NCOA2: variants seen among roughly 807,000 people sequenced by gnomAD.
NCOA2 encodes class E basic helix-loop-helix protein 75.
A neutral mutation model predicts 145.1 loss-of-function variants in NCOA2; 21 were observed. The ratio of observed to expected loss-of-function variants is 0.14; its 90% CI spans 0.10 to 0.21. The LOEUF (loss-of-function observed/expected upper bound fraction) is 0.21. Ranked by LOEUF, NCOA2 falls within the 10% of genes least tolerant of loss-of-function variation. NCOA2 has a pLI of 1.00. For missense variants in NCOA2, 1,472 were observed against 1,837.6 expected, an observed-to-expected ratio of 0.80 and a Z score of 3.64; for synonymous variants, 619 against 637.5, an observed-to-expected ratio of 0.97 and a Z score of 0.44.
chr8:70,426,660 C>T, the NCOA2 span, among the ~76,000 whole-genome samples: 2 of 152,138 alleles, frequency 1.3e-5, no homozygotes. Context: ...ATGTCTTATG[C>T]ATCTGTTTGT....
At chr8:70,332,866 A>T (rs1469294350) in intron 1 of NCOA2, among the ~76,000 whole-genome samples, 1 of 152,194 alleles carries the variant, frequency 6.6e-6, no homozygotes, top group African/African-American at 2.4e-5. Flanking sequence ...CACTGAAGTC[A>T]TCCCACAGTG....
chr8:70,437,018 G>T, the NCOA2 span, among the ~76,000 whole-genome samples: 124 of 152,320 alleles, frequency 8.1e-4, no homozygotes, highest in Non-Finnish European at 1.4e-3. Context: ...GCCCTGCAAG[G>T]GGCGTGCTCT....
At chr8:70,346,128 A>T (rs1392641693) in intron 1 of NCOA2, among the ~76,000 whole-genome samples, 1 of 152,258 alleles carries the variant, frequency 6.6e-6, no homozygotes, top group South Asian at 2.1e-4. Flanking sequence ...TGAAGTGTAC[A>T]GAAATCTACA....
rs1813487084 is a variant in NCOA2, at chr8:70,394,528, T to C, written c.-77+9172A>G. Reference sequence around the variant, plus strand: ...GAAAAAGCTTTAAGGAATCAAAACATTAATATTACTTAAAACAGTAACAAG... The same window carrying C: ...GAAAAAGCTTTAAGGAATCAAAACACTAATATTACTTAAAACAGTAACAAG... On this transcript the variant is annotated intron_variant, in intron 1 of 22. Transcript: ENST00000452400. Among the ~76,000 whole-genome samples the C allele has an allele frequency of 2.6e-5, 4 of 152,290 alleles. No individual in the cohort carries two copies. In the South Asian group the frequency reaches 6.2e-4, roughly 24 times the overall value.
At chr8:70,218,130 C>A (rs79956580) in intron 2 of NCOA2, among the ~76,000 whole-genome samples, 5,115 of 151,836 alleles carry the variant, frequency 0.034, 285 homozygotes, top group African/African-American at 0.12. Context: ...GTAATCTGGG[C>A]TGCCCAGTCT....
chr8:70,420,215 T>G, the NCOA2 span, among the ~76,000 whole-genome samples: 1 of 152,230 alleles, frequency 6.6e-6, no homozygotes, highest in South Asian at 2.1e-4. Flanking sequence ...CAGCTCCAAA[T>G]GATACTAAAT....
At chr8:70,114,678 T>G (rs1000505127) in intron 22 of NCOA2, among the ~76,000 whole-genome samples, 2 of 152,184 alleles carry the variant, frequency 1.3e-5, no homozygotes, top group Non-Finnish European at 2.9e-5. Flanking sequence ...TGATCTGAGT[T>G]TGGTTAGTGG....
At chr8:70,315,711 G>A (rs1805529601) in intron 1 of NCOA2, among the ~76,000 whole-genome samples, 1 of 152,152 alleles carries the variant, frequency 6.6e-6, no homozygotes, top group South Asian at 2.1e-4. Flanking sequence ...TCTAAAACCA[G>A]ACTGCAGGAG....
intron 2 of NCOA2, among the ~76,000 whole-genome samples, chr8:70,235,439 A>G (rs979139431): frequency 6.6e-6 from 1 of 152,234 alleles, no homozygotes; most frequent in African/African-American, 2.4e-5. Flanking sequence ...AATTGTATGG[A>G]TATTTTACCA....
chr8:70,313,468 AG>A (rs1450730467), intron 1 of NCOA2, among the ~76,000 whole-genome samples: 1 of 152,202 alleles, frequency 6.6e-6, no homozygotes, highest in East Asian at 1.9e-4. Flanking sequence ...TTACCACTTC[AG>A]GCAAAGAGGT....
intron 15 of NCOA2, among the ~76,000 whole-genome samples, chr8:70,132,937 GATC>G (rs1809313739): frequency 1.3e-5 from 2 of 152,144 alleles, no homozygotes; most frequent in South Asian, 2.1e-4. Flanking sequence ...AAGGAAAGTG[GATC>G]ATCAACATGC....
Position 70,356,733 on chromosome 8 carries a change from A to G in NCOA2, c.-77+46967T>C, listed in dbSNP as rs563698588. On this transcript the variant is annotated intron_variant, in intron 1 of 22. Coordinates refer to ENST00000452400, the MANE Select transcript of NCOA2 (RefSeq NM_006540.4). ...ACCACAGCAGAGGAGAAATAACTTC[A>G]CCTTACAATACTGCCATAATGCTTT... Among the ~76,000 whole-genome samples, 7 of 152,220 alleles carry G rather than the reference A, an allele frequency of 4.6e-5. No homozygotes were observed. In the South Asian group the frequency reaches 1.2e-3, roughly 27 times the overall value.
chr8:70,119,974 A>G (rs1807613386), intron 22 of NCOA2, among the ~76,000 whole-genome samples: 1 of 151,734 alleles, frequency 6.6e-6, no homozygotes, highest in South Asian at 2.1e-4. Context: ...AGTATAAGTG[A>G]TTCTCCCACC....
In NCOA2 at chr8:70,257,760, T is replaced by A. The variant is rs1823758835; in HGVS notation, c.-20+38984A>T. Among the ~76,000 whole-genome samples, 4 of 152,098 alleles carry A rather than the reference T, an allele frequency of 2.6e-5. No homozygotes were observed. In the South Asian group the frequency reaches 8.3e-4, roughly 32 times the overall value. On this transcript the variant is annotated intron_variant, in intron 2 of 22. Transcript: ENST00000452400. ...CAACTTGGCCTCTACCAGAAAACTT[T>A]TTCCCTGTTGTCCCTTGGCTTCAAT...
Position 70,274,028 on chromosome 8 carries a change from C to T in NCOA2, c.-20+22716G>A, listed in dbSNP as rs574088242. Among the ~76,000 whole-genome samples, 9 of 152,264 alleles carry T rather than the reference C, an allele frequency of 5.9e-5. No individual in the cohort carries two copies. The East Asian group carries it at 9.6e-4, about 16-fold the overall frequency. On this transcript the variant is annotated intron_variant, in intron 2 of 22. Coordinates refer to ENST00000452400, the MANE Select transcript of NCOA2 (RefSeq NM_006540.4). The stretch of plus-strand genomic sequence containing the variant: ...CAGCTCTTTTCAGTTTTTGCTTATA[C>T]GCAATTCATTCTTTGCAGCTAATTA...
chr8:70,144,960 G>T, intron 12 of NCOA2, 112 bp from the exon 13 acceptor site: 3 of 903,392 alleles, frequency 3.3e-6, no homozygotes, highest in Non-Finnish European at 5.2e-6. Flanking sequence ...GTATGTCAGG[G>T]ACCAACTACC....
intron 1 of NCOA2, among the ~76,000 whole-genome samples, chr8:70,316,036 T>G (rs1805559961): frequency 6.6e-6 from 1 of 152,190 alleles, no homozygotes; most frequent in African/African-American, 2.4e-5. Flanking sequence ...CCTCTTCCAT[T>G]AATGATGAAA....
intron 15 of NCOA2, among the ~76,000 whole-genome samples, chr8:70,136,036 C>A (rs1402708051): frequency 6.6e-6 from 1 of 152,102 alleles, no homozygotes; most frequent in Non-Finnish European, 1.5e-5. Flanking sequence ...ACAAAAGAAA[C>A]CTTACTTAGA....
At chr8:70,397,354 T>C (rs1813766058) in intron 1 of NCOA2, among the ~76,000 whole-genome samples, 1 of 150,936 alleles carries the variant, frequency 6.6e-6, no homozygotes, top group South Asian at 2.1e-4. Flanking sequence ...TCAGGAGGCT[T>C]AGGTGAGAGA....
Sources: gnomAD v4.1 joint callset for allele counts (sites outside exome capture counted in the v4.1 genomes callset) on GRCh38, gnomAD v4.1.1 for gene constraint, MANE v1.5 for transcripts, NCBI Gene and HGNC (gene_info 2026-07-23, HGNC 2026-07-21) for gene names.